The following IPO13 variants were observed in gnomAD, a reference collection of about 807,000 sequenced individuals.
IPO13 encodes importin-13.
In IPO13, 28 loss-of-function variants were observed where a neutral mutation model predicts 115.5. That is an observed-to-expected ratio of 0.24 (90% CI 0.18 to 0.33). IPO13 has a LOEUF of 0.33. Among genes scored for constraint, IPO13 ranks in the 10% least tolerant of loss-of-function variants. IPO13 has a pLI of 1.00. For missense variants in IPO13, 785 were observed against 1,204.6 expected, an observed-to-expected ratio of 0.65 and a Z score of 5.16; for synonymous variants, 414 against 478.9, an observed-to-expected ratio of 0.86 and a Z score of 1.77.
intron 2 of IPO13, chr1:43,953,200 C>T (rs2085221002): frequency 1.3e-5 from 2 of 152,248 alleles, no homozygotes; most frequent in African/African-American, 2.4e-5. Context: ...CCCATTTTCT[C>T]AGCTCTGCTC....
rs955139354 is a variant in IPO13, at chr1:43,952,582, C to T, written c.821+2429C>T. ...TGGAATCATGCAATAGAAAGTGGGC[C>T]TAGTTGTTCAGTGGCTAAATTTGAA... On this transcript the variant is annotated intron_variant, in intron 2 of 19. Coordinates refer to ENST00000372343, the MANE Select transcript of IPO13 (RefSeq NM_014652.4). The surrounding 1 kb of genome is among the most constrained non-coding windows in gnomAD (Gnocchi z 4.7). 3.3e-5 allele frequency among the ~76,000 whole-genome samples: 5 copies of T among 151,950 alleles called. No homozygotes were observed. Among genetic ancestry groups the T allele is most frequent in the Non-Finnish European group, 5.9e-5 (4 of 68,004 alleles).
At position 43,956,959 on chromosome 1, in the gene IPO13, G is replaced by A. The variant is rs149546323; in HGVS notation, c.1254G>A (p.Glu418=). ...EYGFWSSDEK[E]QFRIYRVDIS... ...GATTCTGGTCCTCAGACGAGAAGGA[G>A]CAGTTCCGAATTTACAGGTGATGGT... Residue 418 remains glutamate, a synonymous_variant, in exon 5 of 20, where the codon GAG becomes GAA. Transcript: ENST00000372343. The surrounding 1 kb of genome is among the most constrained non-coding windows in gnomAD (Gnocchi z 4.7). 6.8e-6 allele frequency: 11 copies of A among 1,614,130 alleles called. No homozygotes were observed. The highest frequency in any genetic ancestry group is 9.3e-6 in the Non-Finnish European group (11 of 1,180,010).
At position 43,957,275 on chromosome 1, in the gene IPO13, G is replaced by A. The variant is rs2085257553; in HGVS notation, c.1352G>A (p.Gly451Asp). 2 of 1,613,962 alleles carry A rather than the reference G, an allele frequency of 1.2e-6. No individual in the cohort carries two copies. Among genetic ancestry groups the A allele is most frequent in the Admixed American group, 1.7e-5 (1 of 59,990 alleles). ...ELLSNLYDKL[G>D]RLLTSSEEPY... Reference sequence around the variant, plus strand: ...CTCAGCAACCTCTATGACAAGCTGGGTCGTTTGCTCACCAGCTCAGAGGAG... The same window carrying A: ...CTCAGCAACCTCTATGACAAGCTGGATCGTTTGCTCACCAGCTCAGAGGAG... The change falls in exon 6 of 20, where the codon GGT becomes GAT. Residue 451 changes from glycine (G) to aspartate (D), a missense_variant. This residue lies in a region of IPO13 where 175 missense variants were observed against 360.0 expected (regional missense o/e 0.49). Coordinates refer to ENST00000372343, the MANE Select transcript of IPO13 (RefSeq NM_014652.4).
rs754248446 is a variant in IPO13, at chr1:43,952,634, G to A, written c.821+2481G>A. On this transcript the variant is annotated intron_variant, in intron 2 of 19. Transcript: ENST00000372343. The surrounding 1 kb of genome is among the most constrained non-coding windows in gnomAD (Gnocchi z 4.7). ...AGGAGTTGGTTTCCTATATATATAT[G>A]TGTGTGTATACATACATATATTTAT... Among the ~76,000 whole-genome samples, 1 of 152,096 alleles carries A rather than the reference G, an allele frequency of 6.6e-6. No homozygotes were observed. Among genetic ancestry groups the A allele is most frequent in the Non-Finnish European group, 1.5e-5 (1 of 68,036 alleles).
intron 11 of IPO13, among the ~76,000 whole-genome samples, chr1:43,959,472 T>G (rs554232462): frequency 3.5e-4 from 53 of 152,350 alleles, no homozygotes; most frequent in African/African-American, 1.3e-3. Flanking sequence ...CATTAAAAAC[T>G]ATGAACATTG....
rs2085248108 is a variant in IPO13, at chr1:43,956,347, C to T, written c.849C>T (p.Ile283=). The part of the protein sequence containing the change: ...QRYVNTLLKL[I]PLVLGLQEQL... ...ACGTGAACACACTCCTGAAACTCAT[C>T]CCGCTGGTGCTGGGTCTGCAGGAAC... Residue 283 remains isoleucine (I), a synonymous_variant, in exon 3 of 20, where the codon ATC becomes ATT. Transcript: ENST00000372343. This position sits in a 1 kb window ranked among gnomAD's most constrained non-coding sequence, Gnocchi z 4.7. The T allele has an allele frequency of 4.3e-6, 7 of 1,614,204 alleles. No individual in the cohort carries two copies. The highest frequency in any genetic ancestry group is 5.1e-6 in the Non-Finnish European group (6 of 1,180,032).
At chr1:43,961,530 G>A (rs773813036) in intron 14 of IPO13, among the ~76,000 whole-genome samples, 22 of 152,130 alleles carry the variant, frequency 1.4e-4, no homozygotes, top group Non-Finnish European at 3.1e-4. Context: ...GGTGGGAGGT[G>A]GGCAGAGGCT....
In IPO13 at chr1:43,951,579, C is replaced by T. The variant is rs1466295576; in HGVS notation, c.821+1426C>T. Among the ~76,000 whole-genome samples the T allele has an allele frequency of 2.0e-5, 3 of 152,080 alleles. No individual in the cohort carries two copies. The East Asian group carries it at 5.8e-4, about 29-fold the overall frequency. Reference sequence around the variant, plus strand: ...AGACCTGGGCCCAGATCATGCAGGACCTTGGCCAAGTTTAAGATTTTGATC... The same window carrying T: ...AGACCTGGGCCCAGATCATGCAGGATCTTGGCCAAGTTTAAGATTTTGATC... On this transcript the variant is annotated intron_variant, in intron 2 of 19. Transcript: ENST00000372343.
Position 43,964,305 on chromosome 1 carries a change from T to C in IPO13, c.2381T>C (p.Met794Thr). The change falls in exon 15 of 20, where the codon ATG becomes ACG. Residue 794 changes from methionine to threonine, a missense_variant. Physicochemically the swap from Met to Thr is moderately conservative, Grantham distance 81. This residue lies in a region of IPO13 where 285 missense variants were observed against 394.8 expected (regional missense o/e 0.72). Coordinates refer to ENST00000372343, the MANE Select transcript of IPO13 (RefSeq NM_014652.4). The part of the protein sequence containing the change: ...RDHPDIVDSF[M>T]QLLAQALKRK... ...CATCCTGATATTGTTGATTCATTTATGCAACTCCTGGCACAGGTGTGTTTT... is the reference window on the plus strand; with the variant it reads ...CATCCTGATATTGTTGATTCATTTACGCAACTCCTGGCACAGGTGTGTTTT... 6.2e-7 allele frequency: 1 copy of C among 1,609,338 alleles called. No homozygotes were observed.
At chr1:43,953,639 C>T (rs1396991231) in intron 2 of IPO13, among the ~76,000 whole-genome samples, 1 of 152,242 alleles carries the variant, frequency 6.6e-6, no homozygotes, top group Non-Finnish European at 1.5e-5. Flanking sequence ...CTCCCCTTGG[C>T]TGAGCTTGCA....
rs1557636771 is a variant in IPO13 at position 43,967,662 on chromosome 1, G to C, written c.2872G>C (p.Asp958His). The change falls in exon 20 of 20, where the codon GAT becomes CAT. Residue 958 changes from aspartate (D) to histidine (H), a missense_variant. Asp to His is a moderately conservative substitution (Grantham distance 81). This residue lies in a region of IPO13 where 285 missense variants were observed against 394.8 expected (regional missense o/e 0.72). Coordinates refer to ENST00000372343, the MANE Select transcript of IPO13 (RefSeq NM_014652.4). The surrounding 1 kb of genome is among the most constrained non-coding windows in gnomAD (Gnocchi z 6.1). ...TLLCRGLHGT[D>H]YTADY is the part of the protein sequence containing the mutation. ...GCTGTGCCGGGGTCTCCATGGCACA[G>C]ATTACACAGCTGACTACTGAGGGGT... is the stretch of plus-strand genomic sequence containing the variant. The C allele has an allele frequency of 1.2e-6, 2 of 1,614,096 alleles. No individual in the cohort carries two copies. The highest frequency in any genetic ancestry group is 1.7e-5 in the Admixed American group (1 of 60,018).
Position 43,958,847 on chromosome 1 carries a change from C to T in IPO13, c.1986C>T (p.Gly662=). 1 of 1,614,118 alleles carries T rather than the reference C, an allele frequency of 6.2e-7. No individual in the cohort carries two copies. Among genetic ancestry groups the T allele is most frequent in the Non-Finnish European group, 8.5e-7 (1 of 1,180,018 alleles). ...DISHHEDDHE[G]PELRKLPVPQ... ...GTCATCATGAGGATGATCATGAAGG[C>T]CCTGAGCTTCGGAAGCTGCCAGTGC... is the stretch of plus-strand genomic sequence containing the variant. The change falls in exon 11 of 20, where the codon GGC becomes GGT. Residue 662 remains glycine (G), a synonymous_variant. Coordinates refer to ENST00000372343, the MANE Select transcript of IPO13 (RefSeq NM_014652.4). This position sits in a 1 kb window ranked among gnomAD's most constrained non-coding sequence, Gnocchi z 6.3.
chr1:43,947,589 G>A lies in IPO13; in HGVS notation c.-12G>A. On this transcript the variant is annotated 5_prime_UTR_variant, in exon 1 of 20. Coordinates refer to ENST00000372343, the MANE Select transcript of IPO13 (RefSeq NM_014652.4). The stretch of plus-strand genomic sequence containing the variant: ...GATCAGGGCCCACCTCCCTGCCAGG[G>A]AGGGAGCAAAGATGGAGCGGCGGGA... The A allele has an allele frequency of 7.7e-7, 1 of 1,298,666 alleles. No individual in the cohort carries two copies. Among genetic ancestry groups the A allele is most frequent in the Non-Finnish European group, 9.9e-7 (1 of 1,012,662 alleles). The allele number at this position is 1,298,666 out of a possible 1,614,324, so 80.4% of individuals were successfully genotyped here.
Position 43,966,469 on chromosome 1 carries a change from G to A in IPO13, c.2398-106G>A. ...GATGGCTGGGTAGCTGGTTTTGGCA[G>A]CCTCTACCTGTGAGGTGTGAAGTTG... On this transcript the variant is annotated intron_variant, in intron 15 of 19. Transcript: ENST00000372343. The surrounding 1 kb of genome is among the most constrained non-coding windows in gnomAD (Gnocchi z 4.1). The A allele has an allele frequency of 8.4e-7, 1 of 1,193,590 alleles. No individual in the cohort carries two copies. Among genetic ancestry groups the A allele is most frequent in the African/African-American group, 1.5e-5 (1 of 66,974 alleles). 73.9% of individuals were successfully genotyped at this position (1,193,590 alleles called of 1,614,324 possible). A position where few individuals can be genotyped will look rare whatever the true frequency, so the allele number is the denominator to read the frequency against.
At chr1:43,953,754 G>A (rs891251644) in intron 2 of IPO13, among the ~76,000 whole-genome samples, 5 of 152,152 alleles carry the variant, frequency 3.3e-5, no homozygotes, top group Non-Finnish European at 7.3e-5. Flanking sequence ...TGCTGGAAAA[G>A]CTTGTCCTTG....
chr1:43,950,857 G>T (rs1367363145), intron 2 of IPO13, among the ~76,000 whole-genome samples: 1 of 152,196 alleles, frequency 6.6e-6, no homozygotes. Context: ...GGCTAAGTTT[G>T]ATCTTCTCTC....
At chr1:43,964,432 G>T in intron 15 of IPO13, 111 bp downstream of exon 15, 2 of 850,508 alleles carry the variant, frequency 2.4e-6, no homozygotes, top group East Asian at 2.5e-5. Flanking sequence ...TTTTTTTTCT[G>T]TTCAGTTGAA....
chr1:43,964,675 G>T (rs1304926199), intron 15 of IPO13, among the ~76,000 whole-genome samples: 1 of 152,052 alleles, frequency 6.6e-6, no homozygotes, highest in Non-Finnish European at 1.5e-5. Flanking sequence ...AGGGTCTGGG[G>T]TACACTGTCC....
intron 2 of IPO13, among the ~76,000 whole-genome samples, chr1:43,955,431 G>A (rs1462887813): frequency 1.3e-5 from 2 of 152,162 alleles, no homozygotes; most frequent in Non-Finnish European, 2.9e-5. Flanking sequence ...TCTCACAATT[G>A]TGAAGGATAG....
Sources: gnomAD v4.1 joint callset for allele counts (sites outside exome capture counted in the v4.1 genomes callset) on GRCh38, gnomAD v4.1.1 for gene constraint, gnomAD v4.1.1 regional missense constraint, Gnocchi (gnomAD v3.1) non-coding constraint, MANE v1.5 for transcripts, NCBI Gene and HGNC (gene_info 2026-07-23, HGNC 2026-07-21) for gene names.